HIPK2: variants seen among roughly 807,000 people sequenced by gnomAD.
HIPK2 encodes homeodomain interacting protein kinase 2, also known as homeodomain-interacting protein kinase 2.
In HIPK2, 27 loss-of-function variants were observed where a neutral mutation model predicts 113.7. The observed-to-expected ratio is 0.24, with a 90% confidence interval of 0.17 to 0.33. The LOEUF is 0.33. Ranked by LOEUF, HIPK2 falls within the 10% of genes least tolerant of loss-of-function variation. The probability of loss-of-function intolerance (pLI) is 1.00; values close to 1 mark genes in which losing one functional copy is unlikely to be tolerated. For synonymous variants in HIPK2, 631 were observed against 642.2 expected (o/e 0.98, Z 0.26); for missense variants, 1,257 against 1,588.0 (o/e 0.79, Z 3.54).
intron 2 of HIPK2, among the ~76,000 whole-genome samples, chr7:139,646,016 ACAAACCAAAC>A (rs375454286): frequency 2.0e-5 from 3 of 152,324 alleles, no homozygotes; most frequent in East Asian, 1.9e-4. Flanking sequence ...CTGAAAAAGA[ACAAACCAAAC>A]CAAACCAAAC....
rs1795865219 is a variant in HIPK2 at position 139,733,917 on chromosome 7, C to T, written c.20-16902G>A. ...GGGAGGAGCAGCTCCTTTGCCTGGTCAGTGAAAGAGGGTAACAAAGAGCAG... is the reference window on the plus strand; with the variant it reads ...GGGAGGAGCAGCTCCTTTGCCTGGTTAGTGAAAGAGGGTAACAAAGAGCAG... On this transcript the variant is annotated intron_variant, in intron 1 of 14. Coordinates refer to ENST00000406875, the MANE Select transcript of HIPK2 (RefSeq NM_022740.5). Among the ~76,000 whole-genome samples the T allele has an allele frequency of 2.0e-5, 3 of 152,288 alleles. No individual in the cohort carries two copies. The East Asian group carries it at 5.8e-4, about 29-fold the overall frequency.
intron 12 of HIPK2, among the ~76,000 whole-genome samples, chr7:139,595,561 C>G (rs1412562310): frequency 1.3e-5 from 2 of 152,148 alleles, no homozygotes; most frequent in Non-Finnish European, 2.9e-5. Context: ...CCACTACATT[C>G]TTCTCTGAAA....
At chr7:139,676,972 C>T (rs1585366989) in intron 2 of HIPK2, among the ~76,000 whole-genome samples, 1 of 151,624 alleles carries the variant, frequency 6.6e-6, no homozygotes, top group Non-Finnish European at 1.5e-5. Flanking sequence ...AGTGATTCTA[C>T]TGCTTCAGCC....
At chr7:139,738,323 G>A (rs993429252) in intron 1 of HIPK2, among the ~76,000 whole-genome samples, 1 of 152,240 alleles carries the variant, frequency 6.6e-6, no homozygotes, top group Non-Finnish European at 1.5e-5. Flanking sequence ...CGGGGGTAAC[G>A]CGGAGCTGTC....
intron 7 of HIPK2, 131 bp downstream of exon 7, chr7:139,620,270 G>T: frequency 7.7e-7 from 1 of 1,297,734 alleles, no homozygotes; most frequent in Non-Finnish European, 1.1e-6. Context: ...AACCTTGGAT[G>T]CAAATACTTT....
At chr7:139,769,747 T>C (rs1796616056) in intron 1 of HIPK2, among the ~76,000 whole-genome samples, 1 of 152,188 alleles carries the variant, frequency 6.6e-6, no homozygotes, top group Admixed American at 6.5e-5. Flanking sequence ...AACTTAACCA[T>C]TTAAGCAGCC....
In HIPK2 at chr7:139,663,358, G is replaced by T. The variant is rs539856007; in HGVS notation, c.1104-31633C>A. ...CTAGGAAGCGGGTTTACAGCTCAGG[G>T]GCAGCAGTGCAATGCAGCTGGAGAG... On this transcript the variant is annotated intron_variant, in intron 2 of 14. Transcript: ENST00000406875. Among the ~76,000 whole-genome samples, 4 of 152,304 alleles carry T rather than the reference G, an allele frequency of 2.6e-5. No homozygotes were observed. The South Asian group carries it at 8.3e-4, about 32-fold the overall frequency.
intron 9 of HIPK2, 92 bp from the exon 10 acceptor site, chr7:139,604,315 C>T (rs1799542638): frequency 1.3e-6 from 2 of 1,510,678 alleles, no homozygotes; most frequent in Admixed American, 4.0e-5. Flanking sequence ...TGGGGTTGTG[C>T]TAGACATTCT....
At chr7:139,660,379 G>A (rs1232927534) in intron 2 of HIPK2, among the ~76,000 whole-genome samples, 1 of 152,168 alleles carries the variant, frequency 6.6e-6, no homozygotes, top group Non-Finnish European at 1.5e-5. Context: ...CGCCTATCAT[G>A]TATACCACAG....
chr7:139,723,982 G>A (rs1443742913), intron 1 of HIPK2, among the ~76,000 whole-genome samples: 1 of 150,380 alleles, frequency 6.6e-6, no homozygotes, highest in African/African-American at 2.4e-5. Context: ...TGAATAATGA[G>A]TACTTAATAG....
intron 1 of HIPK2, among the ~76,000 whole-genome samples, chr7:139,763,472 G>GC (rs547691856): frequency 0.21 from 21,121 of 100,176 alleles, 2,645 homozygotes; most frequent in East Asian, 0.54. Context: ...GCCGGAACAC[G>GC]CCCCCCCCCC....
At chr7:139,583,404 C>T (rs1277304974) in intron 13 of HIPK2, 1 of 173,276 alleles carries the variant, frequency 5.8e-6, no homozygotes, top group Non-Finnish European at 1.2e-5. Context: ...CCTAGCAAGA[C>T]TCGGAGGAGG....
At chr7:139,760,551 C>A (rs1462415333) in intron 1 of HIPK2, among the ~76,000 whole-genome samples, 1 of 152,096 alleles carries the variant, frequency 6.6e-6, no homozygotes, top group African/African-American at 2.4e-5. Flanking sequence ...ATTAAACTTT[C>A]CTCTGTAGTT....
chr7:139,616,945 AG>A (rs1190245046), intron 7 of HIPK2, among the ~76,000 whole-genome samples: 2 of 152,220 alleles, frequency 1.3e-5, no homozygotes, highest in African/African-American at 4.8e-5. Flanking sequence ...GCTCCTTGAG[AG>A]GCTGAATCTT....
chr7:139,613,676 T>G lies in HIPK2; in HGVS notation c.1991-353A>C, dbSNP rs1375627953. ...AAATGAGGGGTGTTGGGGAGATGTA[T>G]GAACCCATTTGGAATTGCATTGACT... On this transcript the variant is annotated intron_variant, in intron 8 of 14. Transcript: ENST00000406875. This position sits in a 1 kb window ranked among gnomAD's most constrained non-coding sequence, Gnocchi z 4.2. Among the ~76,000 whole-genome samples the G allele has an allele frequency of 6.6e-6, 1 of 152,214 alleles. No homozygotes were observed. Among genetic ancestry groups the G allele is most frequent in the Non-Finnish European group, 1.5e-5 (1 of 68,030 alleles).
intron 12 of HIPK2, among the ~76,000 whole-genome samples, chr7:139,590,861 T>C (rs1798994898): frequency 6.6e-6 from 1 of 152,222 alleles, no homozygotes; most frequent in Non-Finnish European, 1.5e-5. Context: ...TTATTATTTT[T>C]AGAGACAGGG....
At chr7:139,643,626 T>C (rs964718251) in intron 2 of HIPK2, among the ~76,000 whole-genome samples, 1 of 152,150 alleles carries the variant, frequency 6.6e-6, no homozygotes, top group African/African-American at 2.4e-5. Flanking sequence ...TATGTGCTTG[T>C]GCATGTAGAA....
At chr7:139,687,362 A>C (rs1427343384) in intron 2 of HIPK2, among the ~76,000 whole-genome samples, 1 of 152,232 alleles carries the variant, frequency 6.6e-6, no homozygotes, top group East Asian at 1.9e-4. Context: ...TTTTATATGC[A>C]CTAAGAACCA....
At chr7:139,673,648 G>A (rs1802383614) in intron 2 of HIPK2, among the ~76,000 whole-genome samples, 2 of 151,988 alleles carry the variant, frequency 1.3e-5, no homozygotes, top group South Asian at 4.2e-4. Context: ...TTTCATGTGG[G>A]GTCTTCCCTA....
Sources: allele counts gnomAD v4.1 joint callset (sites outside exome capture counted in the v4.1 genomes callset), GRCh38; gene constraint gnomAD v4.1.1; non-coding constraint Gnocchi (gnomAD v3.1); transcripts MANE v1.5; gene names NCBI Gene and HGNC (gene_info 2026-07-23, HGNC 2026-07-21).